Variants in BMP2 observed in about 807,000 individuals in gnomAD.
The protein encoded by BMP2 is bone morphogenetic protein 2A.
In BMP2, 2 loss-of-function variants were observed where a neutral mutation model predicts 28.8. That is an observed-to-expected ratio of 0.07 (90% CI 0.03 to 0.22). The LOEUF is 0.22. Ranked by LOEUF, BMP2 falls within the 10% of genes least tolerant of loss-of-function variation. The pLI is 1.00. For synonymous variants in BMP2, 218 were observed against 204.3 expected (o/e 1.07, Z -0.57); for missense variants, 437 against 517.7 (o/e 0.84, Z 1.51).
At chr20:6,770,662 C>A (rs1986380758) in intron 2 of BMP2, among the ~76,000 whole-genome samples, 190 bp downstream of exon 2, 1 of 152,204 alleles carries the variant, frequency 6.6e-6, no homozygotes, top group Non-Finnish European at 1.5e-5. Context: ...GCCAGGGATT[C>A]CCCTTTAGTA....
intron 2 of BMP2, among the ~76,000 whole-genome samples, chr20:6,770,875 A>G (rs570084785): frequency 6.6e-6 from 1 of 152,206 alleles, no homozygotes; most frequent in South Asian, 2.1e-4. Context: ...TGCTCTATAA[A>G]TCTGCCGCTT....
intron 2 of BMP2, among the ~76,000 whole-genome samples, chr20:6,777,460 G>A (rs1024885871): frequency 3.9e-5 from 6 of 152,168 alleles, no homozygotes; most frequent in African/African-American, 1.2e-4. Context: ...CAGAAGACAG[G>A]TCATTTATTT....
Position 6,779,968 on chromosome 20 carries a change from G to A in BMP2, c.*879G>A, listed in dbSNP as rs1220352495. The A allele has an allele frequency of 6.6e-6, 1 of 152,522 alleles. No homozygotes were observed. The highest frequency in any genetic ancestry group is 1.5e-5 in the Non-Finnish European group (1 of 68,024). The allele number at this position is 152,522 out of a possible 1,614,324, so 9.4% of individuals were successfully genotyped here. On this transcript the variant is annotated 3_prime_UTR_variant, in exon 3 of 3. Coordinates refer to ENST00000378827, the MANE Select transcript of BMP2 (RefSeq NM_001200.4). Reference sequence around the variant, plus strand: ...GTAAGATTTCTTCATTATTGATATTGTGGTCATATATATTTAAAATTGATA... The same window carrying A: ...GTAAGATTTCTTCATTATTGATATTATGGTCATATATATTTAAAATTGATA...
Position 6,778,862 on chromosome 20 carries a change from G to T in BMP2, c.964G>T (p.Ala322Ser), listed in dbSNP as rs1266204708. 6.2e-6 allele frequency: 10 copies of T among 1,614,052 alleles called. No homozygotes were observed. The highest frequency in any genetic ancestry group is 1.3e-5 in the African/African-American group (1 of 75,000). Residue 322 changes from alanine (A) to serine (S), a missense_variant, in exon 3 of 3, where the codon GCC becomes TCC. Physicochemically the swap from Ala to Ser is moderately conservative, Grantham distance 99. This residue lies in a region of BMP2 where 74 missense variants were observed against 124.9 expected (regional missense o/e 0.59). Coordinates refer to ENST00000378827, the MANE Select transcript of BMP2 (RefSeq NM_001200.4). The surrounding 1 kb of genome is among the most constrained non-coding windows in gnomAD (Gnocchi z 5.0). ...DWIVAPPGYH[A>S]FYCHGECPFP... ...GATTGTGGCTCCCCCGGGGTATCAC[G>T]CCTTTTACTGCCACGGAGAATGCCC...
Position 6,767,787 on chromosome 20 carries a change from G to A in BMP2, c.-1096G>A. The A allele has an allele frequency of 7.0e-6, 2 of 284,800 alleles. No homozygotes were observed. The highest frequency in any genetic ancestry group is 6.1e-5 in the East Asian group (1 of 16,334). 17.6% of individuals were successfully genotyped at this position (284,800 alleles called of 1,614,324 possible). ...GCTTCCCACACCCCGCCGGGGACTG[G>A]CAGCCGCCGCCGCACATCTGCCGCC... On this transcript the variant is annotated 5_prime_UTR_variant, in exon 1 of 3. Coordinates refer to ENST00000378827, the MANE Select transcript of BMP2 (RefSeq NM_001200.4).
chr20:6,775,551 C>T (rs1216116318), intron 2 of BMP2, among the ~76,000 whole-genome samples: 1 of 152,178 alleles, frequency 6.6e-6, no homozygotes, highest in East Asian at 1.9e-4. Flanking sequence ...AGGCCACTAA[C>T]TGATTCTCCT....
chr20:6,772,785 C>A (rs576029160), intron 2 of BMP2, among the ~76,000 whole-genome samples: 2 of 152,198 alleles, frequency 1.3e-5, no homozygotes, highest in Non-Finnish European at 2.9e-5. Flanking sequence ...GGATCTGAGA[C>A]AGAATTATCA....
At chr20:6,770,572 C>A in intron 2 of BMP2, 100 bp downstream of exon 2, 1 of 1,166,602 alleles carries the variant, frequency 8.6e-7, no homozygotes, top group Non-Finnish European at 1.2e-6. Flanking sequence ...TTGGCCGGGG[C>A]ACCAGCGGAC....
At chr20:6,777,905 A>G (rs1171128952) in intron 2 of BMP2, among the ~76,000 whole-genome samples, 8 of 151,680 alleles carry the variant, frequency 5.3e-5, no homozygotes, top group African/African-American at 9.7e-5. Flanking sequence ...TTTTTACCCT[A>G]AAGTCTGGAA....
chr20:6,769,612 G>GGTGTGTGTGTGTGTGTGTGTGT (rs61071559), intron 1 of BMP2, among the ~76,000 whole-genome samples: 1 of 139,906 alleles, frequency 7.1e-6, no homozygotes, highest in Non-Finnish European at 1.5e-5. Flanking sequence ...AAGCTATAAG[G>GGTGTGTGTGTGTGTGTGTGTGT]GTGTGTGTGT....
chr20:6,769,655 G>A (rs1242312793), intron 1 of BMP2, among the ~76,000 whole-genome samples: 1 of 149,554 alleles, frequency 6.7e-6, no homozygotes, highest in Non-Finnish European at 1.5e-5. Context: ...GTGTCAGGAA[G>A]TTCTATACAG....
rs61071559 is a variant in BMP2, at chr20:6,769,612, GGTGT to G, written c.-7-475_-7-472del. Among the ~76,000 whole-genome samples, 723 of 139,964 alleles carry G rather than the reference GGTGT, an allele frequency of 5.2e-3. 5 individuals carry two copies. Among genetic ancestry groups the G allele is most frequent in the East Asian group, 0.012 (54 of 4,684 alleles). The allele number at this position is 139,964 out of a possible 152,430, so 91.8% of individuals were successfully genotyped here. A position where few individuals can be genotyped will look rare whatever the true frequency, so the allele number is the denominator to read the frequency against. ...GCTTACAGGGTCTGGAAGCTATAAG[GGTGT>G]GTGTGTGTGTGTGTGTGTGTGTGTG... On this transcript the variant is annotated intron_variant, in intron 1 of 2. Coordinates refer to ENST00000378827, the MANE Select transcript of BMP2 (RefSeq NM_001200.4).
chr20:6,778,222 C>T lies in BMP2; in HGVS notation c.347-23C>T, dbSNP rs1358435478. 1.9e-6 allele frequency: 3 copies of T among 1,549,690 alleles called. No homozygotes were observed. Among genetic ancestry groups the T allele is most frequent in the Admixed American group, 4.4e-5 (2 of 45,792 alleles). ...AAATTCAGACTTTTCTTTTTTCTTCCCTGTTTTTCTCTATCAAATTAGAAT... is the reference window on the plus strand; with the variant it reads ...AAATTCAGACTTTTCTTTTTTCTTCTCTGTTTTTCTCTATCAAATTAGAAT... On this transcript the variant is annotated intron_variant, in intron 2 of 2. Coordinates refer to ENST00000378827, the MANE Select transcript of BMP2 (RefSeq NM_001200.4). This position sits in a 1 kb window ranked among gnomAD's most constrained non-coding sequence, Gnocchi z 5.0.
rs1368130186 is a variant in BMP2 at position 6,779,235 on chromosome 20, A to G, written c.*146A>G. ...ATTTATGGAATGGAATGGAAAAAAAAACAGCTATTTTGAAAATATATTTAT... is the reference window on the plus strand; with the variant it reads ...ATTTATGGAATGGAATGGAAAAAAAGACAGCTATTTTGAAAATATATTTAT... On this transcript the variant is annotated 3_prime_UTR_variant, in exon 3 of 3. Transcript: ENST00000378827. The G allele has an allele frequency of 7.1e-6, 2 of 282,460 alleles. No individual in the cohort carries two copies. The highest frequency in any genetic ancestry group is 1.5e-4 in the East Asian group (2 of 13,468). 17.5% of individuals were successfully genotyped at this position (282,460 alleles called of 1,614,324 possible).
At chr20:6,770,670 G>A (rs1455190024) in intron 2 of BMP2, among the ~76,000 whole-genome samples, 198 bp downstream of exon 2, 1 of 152,198 alleles carries the variant, frequency 6.6e-6, no homozygotes, top group Non-Finnish European at 1.5e-5. Flanking sequence ...TTCCCCTTTA[G>A]TAACTCCGCA....
In BMP2 at chr20:6,778,150, G is replaced by T. The variant is rs1986537579; in HGVS notation, c.347-95G>T. The T allele has an allele frequency of 1.3e-5, 20 of 1,497,588 alleles. No homozygotes were observed. The highest frequency in any genetic ancestry group is 4.2e-5 in the South Asian group (3 of 71,664). 92.8% of individuals were successfully genotyped at this position (1,497,588 alleles called of 1,614,324 possible). ...GGGTTACATCAAATCCCACGATGAG[G>T]TTTAAAAATTCTCATAGATAATCAA... On this transcript the variant is annotated intron_variant, in intron 2 of 2. Transcript: ENST00000378827. This position sits in a 1 kb window ranked among gnomAD's most constrained non-coding sequence, Gnocchi z 5.0.
In BMP2 at chr20:6,768,508, C is replaced by G; in HGVS notation, c.-375C>G. 5.1e-6 allele frequency: 2 copies of G among 393,662 alleles called. No homozygotes were observed. Among genetic ancestry groups the G allele is most frequent in the Non-Finnish European group, 9.0e-6 (2 of 223,176 alleles). The allele number at this position is 393,662 out of a possible 1,614,324, so 24.4% of individuals were successfully genotyped here. On this transcript the variant is annotated 5_prime_UTR_variant, in exon 1 of 3. Coordinates refer to ENST00000378827, the MANE Select transcript of BMP2 (RefSeq NM_001200.4). ...GCTTCTCCTTTCTCCCTTCCCTTCC[C>G]TGCCCCGCACTCCTCCCCCTGCTCG...
rs1463423519 is a variant in BMP2, at chr20:6,773,988, C to A, written c.346+3516C>A. Among the ~76,000 whole-genome samples, 3 of 152,244 alleles carry A rather than the reference C, an allele frequency of 2.0e-5. No individual in the cohort carries two copies. In the East Asian group the frequency reaches 5.8e-4, roughly 29 times the overall value. Reference sequence around the variant, plus strand: ...CCATACTTTATTTAGAACAAAAGGGCAGCCACAAAATAGCAGTGGCTCCTT... The same window carrying A: ...CCATACTTTATTTAGAACAAAAGGGAAGCCACAAAATAGCAGTGGCTCCTT... On this transcript the variant is annotated intron_variant, in intron 2 of 2. Coordinates refer to ENST00000378827, the MANE Select transcript of BMP2 (RefSeq NM_001200.4).
intron 2 of BMP2, among the ~76,000 whole-genome samples, chr20:6,777,238 A>T (rs1986518559): frequency 6.6e-6 from 1 of 152,158 alleles, no homozygotes. Context: ...TGCATGGCCC[A>T]CTTAAATGGC....
Sources: allele counts gnomAD v4.1 joint callset (sites outside exome capture counted in the v4.1 genomes callset), GRCh38; gene constraint gnomAD v4.1.1; regional missense constraint gnomAD v4.1.1; non-coding constraint Gnocchi (gnomAD v3.1); transcripts MANE v1.5; gene names NCBI Gene and HGNC (gene_info 2026-07-23, HGNC 2026-07-21).